Variants in CBFB observed in about 807,000 individuals in gnomAD.
CBFB encodes the protein CBF-beta.
Under a neutral mutation model 30.4 loss-of-function variants are expected in CBFB, and 9 were observed. That is an observed-to-expected ratio of 0.30 (90% CI 0.18 to 0.52). CBFB has a LOEUF of 0.52. CBFB is among the 20% of genes least tolerant of loss of function. The pLI, the probability that CBFB is intolerant of heterozygous loss-of-function variation, is 0.97. For missense variants in CBFB, 170 were observed against 244.0 expected, an observed-to-expected ratio of 0.70 and a Z score of 2.02; for synonymous variants, 94 against 84.0, an observed-to-expected ratio of 1.12 and a Z score of -0.65.
At chr16:67,058,807 C>T (rs1389705750) in intron 3 of CBFB, among the ~76,000 whole-genome samples, 2 of 152,168 alleles carry the variant, frequency 1.3e-5, no homozygotes, top group Non-Finnish European at 2.9e-5. Context: ...ACTAGAGCCA[C>T]CAGTGTTTAA....
At chr16:67,051,116 G>A (rs753270734) in intron 3 of CBFB, among the ~76,000 whole-genome samples, 7 of 152,174 alleles carry the variant, frequency 4.6e-5, no homozygotes, top group Non-Finnish European at 8.8e-5. Flanking sequence ...TACTGTACTT[G>A]ATGCATTTTC....
intron 2 of CBFB, chr16:67,036,409 T>G (rs1966440771): frequency 4.3e-6 from 2 of 460,568 alleles, no homozygotes; most frequent in Non-Finnish European, 7.8e-6. Context: ...AAGTATTGAT[T>G]CCATGTCTGA....
Position 67,099,290 on chromosome 16 carries a change from CT to C in CBFB, c.*513del, listed in dbSNP as rs1962149559. ...TATAGTCTATAGCATTTTAAAACTG[CT>C]GATGTTGTTTGCATTATTTACAGGC... On this transcript the variant is annotated 3_prime_UTR_variant, in exon 6 of 6. Transcript: ENST00000412916. The C allele has an allele frequency of 4.4e-6, 1 of 229,410 alleles. No homozygotes were observed. Among genetic ancestry groups the C allele is most frequent in the Admixed American group, 5.7e-5 (1 of 17,612 alleles). The allele number at this position is 229,410 out of a possible 1,614,324, so 14.2% of individuals were successfully genotyped here.
At chr16:67,071,520 T>C (rs1262350322) in intron 4 of CBFB, among the ~76,000 whole-genome samples, 2 of 152,232 alleles carry the variant, frequency 1.3e-5, no homozygotes, top group African/African-American at 4.8e-5. Flanking sequence ...GGCACATTGA[T>C]CTGGGATTGC....
intron 3 of CBFB, among the ~76,000 whole-genome samples, chr16:67,060,276 T>G (rs931303935): frequency 6.6e-6 from 1 of 152,138 alleles, no homozygotes; most frequent in Admixed American, 6.6e-5. Context: ...CAGCAAACTT[T>G]AAAAAATGAC....
chr16:67,056,574 T>C (rs779431928), intron 3 of CBFB, among the ~76,000 whole-genome samples: 3 of 152,210 alleles, frequency 2.0e-5, no homozygotes, highest in Non-Finnish European at 2.9e-5. Flanking sequence ...TATGTTTTTT[T>C]CCATTAACAG....
intron 3 of CBFB, among the ~76,000 whole-genome samples, chr16:67,042,663 T>C (rs1966551940): frequency 6.6e-6 from 1 of 152,206 alleles, no homozygotes; most frequent in East Asian, 1.9e-4. Flanking sequence ...AGGATCTGCC[T>C]GTTGGTAGGT....
At chr16:67,060,543 TTTTTTG>T (rs1191986645) in intron 3 of CBFB, among the ~76,000 whole-genome samples, 1 of 151,252 alleles carries the variant, frequency 6.6e-6, no homozygotes, top group Non-Finnish European at 1.5e-5. Context: ...TTCTGGGGGG[TTTTTTG>T]TTTTTGTTTT....
At chr16:67,092,553 C>A (rs550267507) in intron 5 of CBFB, among the ~76,000 whole-genome samples, 1 of 152,176 alleles carries the variant, frequency 6.6e-6, no homozygotes, top group East Asian at 1.9e-4. Context: ...TGAATCAGAT[C>A]TCTCAAGTAC....
chr16:67,098,560 G>T lies in CBFB; in HGVS notation c.496-150G>T, dbSNP rs796644572. 1.5e-4 allele frequency: 83 copies of T among 551,326 alleles called. No individual in the cohort carries two copies. Among genetic ancestry groups the T allele is most frequent in the Middle Eastern group, 4.3e-4 (1 of 2,332 alleles). 34.2% of individuals were successfully genotyped at this position (551,326 alleles called of 1,614,324 possible). A position where few individuals can be genotyped will look rare whatever the true frequency, so the allele number is the denominator to read the frequency against. ...AATATGTCAGACATAATTTTAATTG[G>T]TTTTTTTTTGCCTGTTACATGTGAC... is the stretch of plus-strand genomic sequence containing the variant. On this transcript the variant is annotated intron_variant, in intron 5 of 5. Coordinates refer to ENST00000412916, the MANE Select transcript of CBFB (RefSeq NM_022845.3).
intron 3 of CBFB, among the ~76,000 whole-genome samples, chr16:67,051,935 A>ACACG (rs1185864922): frequency 6.6e-6 from 1 of 151,600 alleles, no homozygotes; most frequent in African/African-American, 2.4e-5. Flanking sequence ...ACACACACAC[A>ACACG]CACACACACG....
chr16:67,069,614 A>G (rs991622249), intron 4 of CBFB, among the ~76,000 whole-genome samples: 1 of 152,236 alleles, frequency 6.6e-6, no homozygotes, highest in African/African-American at 2.4e-5. Context: ...ATATTAATCC[A>G]CATTGTCCAA....
Position 67,099,001 on chromosome 16 carries a change from GT to G in CBFB, c.*231del, listed in dbSNP as rs1428568517. The G allele has an allele frequency of 7.3e-6, 3 of 413,296 alleles. No individual in the cohort carries two copies. Among genetic ancestry groups the G allele is most frequent in the East Asian group, 3.6e-5 (1 of 28,030 alleles). The allele number at this position is 413,296 out of a possible 1,614,324, so 25.6% of individuals were successfully genotyped here. On this transcript the variant is annotated 3_prime_UTR_variant, in exon 6 of 6. Coordinates refer to ENST00000412916, the MANE Select transcript of CBFB (RefSeq NM_022845.3). ...AGCATGTAGCCAGTAATAATTTGAAGTTTTTTTTCTATGCAAGCTTACCTTG... is the reference window on the plus strand; with the variant it reads ...AGCATGTAGCCAGTAATAATTTGAAGTTTTTTTCTATGCAAGCTTACCTTG...
intron 3 of CBFB, among the ~76,000 whole-genome samples, chr16:67,052,980 G>A (rs1046042885): frequency 2.0e-5 from 3 of 146,594 alleles, no homozygotes; most frequent in Admixed American, 7.0e-5. Flanking sequence ...AGTGAGCCGT[G>A]TTCATACCAC....
chr16:67,043,430 G>C (rs1227800097), intron 3 of CBFB, among the ~76,000 whole-genome samples: 1 of 152,176 alleles, frequency 6.6e-6, no homozygotes, highest in African/African-American at 2.4e-5. Context: ...CTTCTATAAG[G>C]AAGGTCTGTT....
At chr16:67,054,947 T>TTA in intron 3 of CBFB, among the ~76,000 whole-genome samples, 1 of 151,246 alleles carries the variant, frequency 6.6e-6, no homozygotes. Flanking sequence ...TTTTTTTTTT[T>TTA]AGTAGAGACA....
In CBFB at chr16:67,092,696, A is replaced by ATTTTTT. The variant is rs1162307047; in HGVS notation, c.496-6013_496-6012insTTTTTT. Among the ~76,000 whole-genome samples, 736 of 94,612 alleles carry ATTTTTT rather than the reference A, an allele frequency of 7.8e-3. 10 individuals are homozygous for ATTTTTT. Among genetic ancestry groups the ATTTTTT allele is most frequent in the South Asian group, 0.022 (60 of 2,776 alleles). The allele number at this position is 94,612 out of a possible 152,430, so 62.1% of individuals were successfully genotyped here. Reference sequence around the variant, plus strand: ...ACCCAGGCTAGGTTACAGTGGTGCAATCTTTTTTTTTTTTTTTTTTTTTTT... The same window carrying ATTTTTT: ...ACCCAGGCTAGGTTACAGTGGTGCAATTTTTTTCTTTTTTTTTTTTTTTTTTTTTTT... On this transcript the variant is annotated intron_variant, in intron 5 of 5. Coordinates refer to ENST00000412916, the MANE Select transcript of CBFB (RefSeq NM_022845.3).
chr16:67,055,715 G>A (rs749297142), intron 3 of CBFB, among the ~76,000 whole-genome samples: 10 of 151,918 alleles, frequency 6.6e-5, no homozygotes, highest in Non-Finnish European at 1.2e-4. Flanking sequence ...TAAGATGATC[G>A]GTAAATTACA....
intron 3 of CBFB, among the ~76,000 whole-genome samples, chr16:67,062,692 T>C (rs1357847152): frequency 2.0e-5 from 3 of 151,642 alleles, no homozygotes; most frequent in Non-Finnish European, 2.9e-5. Flanking sequence ...CTCGGGAGGC[T>C]GAGGCAGGGA....
Sources: gnomAD v4.1 joint callset for allele counts (sites outside exome capture counted in the v4.1 genomes callset) on GRCh38, gnomAD v4.1.1 for gene constraint, MANE v1.5 for transcripts, NCBI Gene and HGNC (gene_info 2026-07-23, HGNC 2026-07-21) for gene names.